MMRN1: variants seen among roughly 807,000 people sequenced by gnomAD.
MMRN1 encodes multimerin-1.
A neutral mutation model predicts 100.7 loss-of-function variants in MMRN1; 94 were observed. The observed-to-expected ratio is 0.93, with a 90% CI of 0.79 to 1.11. The LOEUF is 1.11. Among genes scored for constraint, MMRN1 ranks in the 50% least tolerant of loss-of-function variants. The pLI is 0.00. For synonymous variants in MMRN1, 575 were observed against 505.0 expected (o/e 1.14, Z -1.86); for missense variants, 1,606 against 1,439.1 (o/e 1.12, Z -1.88).
At chr4:89,888,625 G>A (rs919127841) in intron 1 of MMRN1, among the ~76,000 whole-genome samples, 2 of 151,602 alleles carry the variant, frequency 1.3e-5, no homozygotes, top group Admixed American at 6.6e-5. Flanking sequence ...TGTGTATTTC[G>A]TTCACATATT....
intron 1 of MMRN1, among the ~76,000 whole-genome samples, chr4:89,888,665 C>A (rs1217841611): frequency 6.6e-6 from 1 of 151,938 alleles, no homozygotes; most frequent in East Asian, 1.9e-4. Flanking sequence ...TTTTGATAAT[C>A]TCTTCTGACC....
At chr4:89,930,865 A>T (rs1722411707) in intron 5 of MMRN1, among the ~76,000 whole-genome samples, 1 of 152,084 alleles carries the variant, frequency 6.6e-6, no homozygotes, top group Non-Finnish European at 1.5e-5. Flanking sequence ...GCTAAGCAAA[A>T]TGTAGAAGAT....
intron 5 of MMRN1, among the ~76,000 whole-genome samples, chr4:89,929,020 A>G (rs922757243): frequency 2.0e-5 from 3 of 152,126 alleles, no homozygotes; most frequent in Non-Finnish European, 4.4e-5. Flanking sequence ...AACAAATCCA[A>G]TCTAAGGGGA....
intron 1 of MMRN1, among the ~76,000 whole-genome samples, chr4:89,899,641 A>G (rs550182863): frequency 1.3e-5 from 2 of 152,238 alleles, no homozygotes; most frequent in African/African-American, 4.8e-5. Flanking sequence ...CTGCCTACTT[A>G]GCTTTTCCCA....
intron 1 of MMRN1, among the ~76,000 whole-genome samples, chr4:89,904,894 AT>A (rs1427250246): frequency 6.6e-6 from 1 of 151,620 alleles, no homozygotes; most frequent in East Asian, 1.9e-4. Context: ...GTTTAGCTGA[AT>A]TTTTTCCCTG....
At chr4:89,905,474 G>C (rs969576553) in intron 1 of MMRN1, among the ~76,000 whole-genome samples, 2 of 151,482 alleles carry the variant, frequency 1.3e-5, no homozygotes, top group Non-Finnish European at 1.5e-5. Flanking sequence ...TTTGCAAACT[G>C]TAGTCATTTT....
At chr4:89,884,266 T>C (rs1034413087) in intron 1 of MMRN1, among the ~76,000 whole-genome samples, 1 of 152,128 alleles carries the variant, frequency 6.6e-6, no homozygotes, top group East Asian at 1.9e-4. Context: ...TAATATTGTA[T>C]TGAAGGTATA....
At chr4:89,888,349 G>A (rs1036635601) in intron 1 of MMRN1, among the ~76,000 whole-genome samples, 5 of 151,402 alleles carry the variant, frequency 3.3e-5, no homozygotes, top group African/African-American at 1.2e-4. Flanking sequence ...TTTCCTTTGA[G>A]CACTTTAAAG....
intron 6 of MMRN1, among the ~76,000 whole-genome samples, chr4:89,944,163 T>C (rs1722917726): frequency 6.6e-6 from 1 of 152,240 alleles, no homozygotes; most frequent in South Asian, 2.1e-4. Flanking sequence ...ATCTAACTTG[T>C]ATTCAATTTT....
chr4:89,895,671 C>T, intron 1 of MMRN1, 77 bp downstream of exon 1: 4 of 1,457,420 alleles, frequency 2.7e-6, no homozygotes, highest in Non-Finnish European at 3.6e-6. Context: ...TTACCTCACT[C>T]CCAGAAAATT....
intron 1 of MMRN1, among the ~76,000 whole-genome samples, chr4:89,883,672 T>C (rs1337570773): frequency 6.6e-6 from 1 of 152,140 alleles, no homozygotes; most frequent in Non-Finnish European, 1.5e-5. Context: ...AAATTTCTAT[T>C]ATTTTCCTCC....
chr4:89,939,403 C>T (rs1033720484), intron 6 of MMRN1, among the ~76,000 whole-genome samples: 1 of 152,162 alleles, frequency 6.6e-6, no homozygotes, highest in South Asian at 2.1e-4. Context: ...TGATAACTTA[C>T]TTTGAAGCCT....
In MMRN1 at chr4:89,935,610, TA is replaced by T; in HGVS notation, c.1931del (p.Tyr644LeufsTer20). ...GAGTGAGCAACTAAATGATTTGACTTATGATATGGAGATCCTTCAACCCTTG... is the reference window on the plus strand; with the variant it reads ...GAGTGAGCAACTAAATGATTTGACTTTGATATGGAGATCCTTCAACCCTTG... Reference protein sequence around the residue: ...KMSEQLNDLTYDMEILQPLLE... With the variant: ...KMSEQLNDLTXDMEILQPLLE... On this transcript the variant is annotated frameshift_variant, in exon 6 of 8. Coordinates refer to ENST00000264790, the MANE Select transcript of MMRN1 (RefSeq NM_007351.3). LOFTEE classifies it high-confidence loss of function. 6.2e-7 allele frequency: 1 copy of T among 1,613,572 alleles called. No homozygotes were observed. Among genetic ancestry groups the T allele is most frequent in the East Asian group, 2.2e-5 (1 of 44,818 alleles).
At position 89,954,523 on chromosome 4, in the gene MMRN1, G is replaced by A. The variant is rs903770012; in HGVS notation, c.*1105G>A. Reference sequence around the variant, plus strand: ...TTTATTATTACAATATTACTGTGGTGAACATGCTTAAAAATACATTCCTTG... The same window carrying A: ...TTTATTATTACAATATTACTGTGGTAAACATGCTTAAAAATACATTCCTTG... On this transcript the variant is annotated 3_prime_UTR_variant, in exon 8 of 8. Coordinates refer to ENST00000264790, the MANE Select transcript of MMRN1 (RefSeq NM_007351.3). The A allele has an allele frequency of 1.3e-5, 2 of 152,032 alleles. No individual in the cohort carries two copies. Among genetic ancestry groups the A allele is most frequent in the Non-Finnish European group, 2.9e-5 (2 of 68,014 alleles). 9.4% of individuals were successfully genotyped at this position (152,032 alleles called of 1,614,324 possible). A position where few individuals can be genotyped will look rare whatever the true frequency, so the allele number is the denominator to read the frequency against.
At position 89,927,788 on chromosome 4, in the gene MMRN1, T is replaced by C. The variant is rs1241374346; in HGVS notation, c.956-7T>C. 1.9e-6 allele frequency: 3 copies of C among 1,602,434 alleles called. No homozygotes were observed. Among genetic ancestry groups the C allele is most frequent in the African/African-American group, 1.3e-5 (1 of 74,174 alleles). ...TTAATGGTCTCAATTTTCTCTTCTA[T>C]ATGCAGAAGTGATGCAAAAAATGAC... On this transcript the variant is annotated splice_polypyrimidine_tract_variant and splice_region_variant and intron_variant, in intron 4 of 7. Coordinates refer to ENST00000264790, the MANE Select transcript of MMRN1 (RefSeq NM_007351.3).
At chr4:89,890,964 G>A (rs75879969), upstream of MMRN1, among the ~76,000 whole-genome samples, 23 of 151,608 alleles carry the variant, frequency 1.5e-4, 1 homozygote, top group East Asian at 4.5e-3. Flanking sequence ...TTTCCTGCCA[G>A]CCCACTCAAA....
At chr4:89,891,048 T>C (rs1721043304), upstream of MMRN1, among the ~76,000 whole-genome samples, 2 of 152,084 alleles carry the variant, frequency 1.3e-5, no homozygotes, top group African/African-American at 4.8e-5. Context: ...CATTATCTTT[T>C]ATTCTACAAC....
Position 89,895,418 on chromosome 4 carries a change from A to G in MMRN1, c.447A>G (p.Ser149=). The change falls in exon 1 of 8, where the codon TCA becomes TCG. Residue 149 remains serine (S), a synonymous_variant. Transcript: ENST00000264790. ...LKFLQSFARK[S]NEQATSLNTV... is the part of the protein sequence containing the mutation. Reference sequence around the variant, plus strand: ...TTCTTCAGAGCTTTGCCAGAAAGTCAAATGAACAAGCAACTTCTCTAAACA... The same window carrying G: ...TTCTTCAGAGCTTTGCCAGAAAGTCGAATGAACAAGCAACTTCTCTAAACA... The G allele has an allele frequency of 6.2e-7, 1 of 1,613,952 alleles. No individual in the cohort carries two copies. The highest frequency in any genetic ancestry group is 8.5e-7 in the Non-Finnish European group (1 of 1,179,938).
chr4:89,882,322 TAAG>T (rs1171792507), intron 1 of MMRN1, among the ~76,000 whole-genome samples: 4 of 151,058 alleles, frequency 2.6e-5, no homozygotes, highest in African/African-American at 2.4e-5. Flanking sequence ...TATATAATCT[TAAG>T]AACAATACTG....
Sources: gnomAD v4.1 joint callset for allele counts (sites outside exome capture counted in the v4.1 genomes callset) on GRCh38, gnomAD v4.1.1 for gene constraint, MANE v1.5 for transcripts, NCBI Gene and HGNC (gene_info 2026-07-23, HGNC 2026-07-21) for gene names.